The following SHANK2 variants were observed in gnomAD, a reference collection of about 807,000 sequenced individuals.
SHANK2 encodes the protein SH3 and multiple ankyrin repeat domains protein 2.
Under a neutral mutation model 133.7 loss-of-function variants are expected in SHANK2, and 43 were observed. That is an observed-to-expected ratio of 0.32 (90% CI 0.25 to 0.41). SHANK2 has a LOEUF of 0.41. Ranked by LOEUF, SHANK2 falls within the 10% of genes least tolerant of loss-of-function variation. SHANK2 has a pLI of 1.00. For missense variants in SHANK2, 1,994 were observed against 2,235.8 expected, an observed-to-expected ratio of 0.89 and a Z score of 2.18; for synonymous variants, 1,017 against 952.8, an observed-to-expected ratio of 1.07 and a Z score of -1.24.
At chr11:71,199,333 C>T (rs1222802025) in intron 2 of SHANK2, among the ~76,000 whole-genome samples, 1 of 152,258 alleles carries the variant, frequency 6.6e-6, no homozygotes, top group Non-Finnish European at 1.5e-5. Flanking sequence ...ATAGAAGACT[C>T]AGCCACAAAC....
At chr11:70,696,734 G>A (rs1240331302) in intron 15 of SHANK2, among the ~76,000 whole-genome samples, 8 of 152,158 alleles carry the variant, frequency 5.3e-5, no homozygotes, top group Non-Finnish European at 7.3e-5. Flanking sequence ...CAAGAGAAGC[G>A]GTTGGGACAG....
intron 14 of SHANK2, among the ~76,000 whole-genome samples, chr11:70,714,614 C>G (rs1381358665): frequency 6.6e-6 from 1 of 152,158 alleles, no homozygotes; most frequent in Non-Finnish European, 1.5e-5. Context: ...AGGACTCGAC[C>G]CAGGAGAAAA....
intron 11 of SHANK2, among the ~76,000 whole-genome samples, chr11:70,828,143 G>A (rs1485934550): frequency 3.9e-5 from 6 of 152,170 alleles, no homozygotes; most frequent in East Asian, 3.9e-4. Context: ...CATTAGCCGG[G>A]TGTGGTCGTG....
rs1239467942 is a variant in SHANK2 at position 70,470,645 on chromosome 11, G to C, written c.*2224C>G. ...GGGCAGCCTCAGCAGGCCACCTGTA[G>C]TATCCTGTCTTGAAATTTATCTAGA... On this transcript the variant is annotated 3_prime_UTR_variant, in exon 26 of 26. Transcript: ENST00000601538. 6.6e-5 allele frequency: 10 copies of C among 152,514 alleles called. No homozygotes were observed. The highest frequency in any genetic ancestry group is 2.4e-4 in the African/African-American group (10 of 41,464). The allele number at this position is 152,514 out of a possible 1,614,324, so 9.4% of individuals were successfully genotyped here.
At chr11:70,891,910 G>A (rs1420280509) in intron 11 of SHANK2, among the ~76,000 whole-genome samples, 1 of 152,216 alleles carries the variant, frequency 6.6e-6, no homozygotes, top group East Asian at 1.9e-4. Flanking sequence ...AATGTGGAAG[G>A]TGGAGGAATC....
At chr11:71,182,576 G>A (rs1304732661) in intron 2 of SHANK2, among the ~76,000 whole-genome samples, 2 of 152,026 alleles carry the variant, frequency 1.3e-5, no homozygotes, top group South Asian at 2.1e-4. Context: ...GTCTTCACAC[G>A]GTCTTCCCTC....
rs549021398 is a variant in SHANK2, at chr11:70,890,837, G to A, written c.1174+5664C>T. ...AAATTAGCTGGGCATGGTGGCAGGC[G>A]CCTGTAATCACAGCTACTCAGGGGG... On this transcript the variant is annotated intron_variant, in intron 11 of 25. Coordinates refer to ENST00000601538, the MANE Select transcript of SHANK2 (RefSeq NM_012309.5). Among the ~76,000 whole-genome samples, 40 of 151,490 alleles carry A rather than the reference G, an allele frequency of 2.6e-4. No homozygotes were observed. In the East Asian group the frequency reaches 3.3e-3, roughly 13 times the overall value.
intron 10 of SHANK2, among the ~76,000 whole-genome samples, chr11:70,908,994 G>A (rs114668367): frequency 0.024 from 3,586 of 152,224 alleles, 134 homozygotes; most frequent in African/African-American, 0.083. Context: ...TGTGAAATAC[G>A]TATGGCAGTC....
intron 14 of SHANK2, among the ~76,000 whole-genome samples, chr11:70,718,494 G>A (rs1174621719): frequency 6.6e-6 from 1 of 152,174 alleles, no homozygotes; most frequent in Non-Finnish European, 1.5e-5. Context: ...CCATGGACAT[G>A]CTGCAGATTC....
chr11:71,166,654 G>A (rs527750900), intron 2 of SHANK2, among the ~76,000 whole-genome samples: 1 of 151,394 alleles, frequency 6.6e-6, no homozygotes, highest in South Asian at 2.1e-4. Flanking sequence ...GCTAATTTTT[G>A]TATTTTTTAG....
intron 3 of SHANK2, among the ~76,000 whole-genome samples, chr11:71,130,037 C>T (rs1468191506): frequency 6.6e-6 from 1 of 152,218 alleles, no homozygotes; most frequent in African/African-American, 2.4e-5. Flanking sequence ...TCTGCGTCCT[C>T]ACCTCCTCTT....
At chr11:70,587,088 C>T (rs1346084368) in intron 17 of SHANK2, among the ~76,000 whole-genome samples, 2 of 152,210 alleles carry the variant, frequency 1.3e-5, no homozygotes, top group African/African-American at 4.8e-5. Flanking sequence ...TCCTCTGCAG[C>T]CCACTCCCTT....
At chr11:71,153,300 G>T (rs191621131) in intron 2 of SHANK2, among the ~76,000 whole-genome samples, 2 of 137,840 alleles carry the variant, frequency 1.5e-5, no homozygotes, top group South Asian at 2.7e-4. Context: ...GGTCGGGGGC[G>T]GGGGAGAGGC....
intron 12 of SHANK2, among the ~76,000 whole-genome samples, chr11:70,816,836 A>G (rs1273481709): frequency 6.6e-6 from 1 of 152,192 alleles, no homozygotes; most frequent in Admixed American, 6.5e-5. Context: ...AGACAGCTCT[A>G]GCCAGGCCCC....
intron 11 of SHANK2, among the ~76,000 whole-genome samples, chr11:70,825,234 A>G (rs1555056969): frequency 6.6e-6 from 1 of 152,216 alleles, no homozygotes; most frequent in African/African-American, 2.4e-5. Flanking sequence ...AAAGTCTATA[A>G]AAGAACAGAA....
intron 14 of SHANK2, among the ~76,000 whole-genome samples, chr11:70,791,065 A>C (rs1327124706): frequency 2.6e-5 from 4 of 151,764 alleles, no homozygotes; most frequent in Non-Finnish European, 5.9e-5. Context: ...GCAGGAAAAA[A>C]ACCTGCACTC....
rs1186144718 is a variant in SHANK2, at chr11:70,955,422, GGTGTGTGTGTGTGTGTGT to G, written c.1108-58873_1108-58856del. Among the ~76,000 whole-genome samples, 16 of 146,564 alleles carry G rather than the reference GGTGTGTGTGTGTGTGTGT, an allele frequency of 1.1e-4. No individual in the cohort carries two copies. The East Asian group carries it at 2.4e-3, about 22-fold the overall frequency. On this transcript the variant is annotated intron_variant, in intron 10 of 25. Coordinates refer to ENST00000601538, the MANE Select transcript of SHANK2 (RefSeq NM_012309.5). ...GTTCTCCAGAGACACAGACCCACGG[GGTGTGTGTGTGTGTGTGT>G]GTGTGTGTGTGTGTGTGTGTGAATG...
At chr11:70,619,038 G>A (rs782692494) in intron 17 of SHANK2, among the ~76,000 whole-genome samples, 23 of 152,078 alleles carry the variant, frequency 1.5e-4, no homozygotes, top group Non-Finnish European at 2.8e-4. Context: ...CTGCAGGCTC[G>A]ATCTCCCTTC....
In SHANK2 at chr11:70,591,243, T is replaced by C. The variant is rs141568865; in HGVS notation, c.2061+68585A>G. On this transcript the variant is annotated intron_variant, in intron 17 of 25. Coordinates refer to ENST00000601538, the MANE Select transcript of SHANK2 (RefSeq NM_012309.5). ...GGTGAGTGCCTGGGATCCCAGCTAC[T>C]AGGGAGATTGAGGCAGGAGAATCGC... 3.3e-3 allele frequency among the ~76,000 whole-genome samples: 496 copies of C among 152,002 alleles called. 4 individuals are homozygous for C. The highest frequency in any genetic ancestry group is 0.011 in the African/African-American group (469 of 41,460).
Sources: allele counts gnomAD v4.1 joint callset (sites outside exome capture counted in the v4.1 genomes callset), GRCh38; gene constraint gnomAD v4.1.1; transcripts MANE v1.5; gene names NCBI Gene and HGNC (gene_info 2026-07-23, HGNC 2026-07-21).